FMO3: variants seen among roughly 807,000 people sequenced by gnomAD.
FMO3 encodes flavin containing dimethylaniline monoxygenase 3, also known as flavin-containing monooxygenase 3.
In FMO3, 40 loss-of-function variants were observed where a neutral mutation model predicts 39.4. The observed-to-expected ratio is 1.02, with a 90% confidence interval of 0.79 to 1.32. The LOEUF (loss-of-function observed/expected upper bound fraction) is 1.32. Among genes scored for constraint, FMO3 ranks in the 40% most tolerant of loss-of-function variants. FMO3 has a pLI of 0.00. For synonymous variants in FMO3, 219 were observed against 228.8 expected, an observed-to-expected ratio of 0.96 and a Z score of 0.39; for missense variants, 680 against 651.8, an observed-to-expected ratio of 1.04 and a Z score of -0.47.
At chr1:171,096,188 T>A (rs1655030236) in intron 2 of FMO3, among the ~76,000 whole-genome samples, 1 of 88,352 alleles carries the variant, frequency 1.1e-5, no homozygotes, top group Non-Finnish European at 1.9e-5. Context: ...AATATATTAA[T>A]ATATATTTAT....
chr1:171,096,500 A>G (rs1326315419), intron 2 of FMO3, among the ~76,000 whole-genome samples: 8 of 103,354 alleles, frequency 7.7e-5, no homozygotes, highest in Non-Finnish European at 1.2e-4. Flanking sequence ...TACATAATAT[A>G]CTTTATATAT....
intron 6 of FMO3, among the ~76,000 whole-genome samples, chr1:171,113,520 A>C (rs28363579): frequency 6.6e-6 from 1 of 152,354 alleles, no homozygotes; most frequent in East Asian, 1.9e-4. Flanking sequence ...AGCTCCATGC[A>C]TATGCTAGAG....
At chr1:171,101,296 A>G (rs1655381183) in intron 2 of FMO3, 1 of 442,332 alleles carries the variant, frequency 2.3e-6, no homozygotes, top group Non-Finnish European at 4.6e-6. Flanking sequence ...ATTTTAAGCC[A>G]TTAACTTTGT....
chr1:171,100,221 C>T (rs1655315891), intron 2 of FMO3: 1 of 152,170 alleles, frequency 6.6e-6, no homozygotes, highest in Non-Finnish European at 1.5e-5. Flanking sequence ...TTTGTCTTTT[C>T]TTGCTGCTCG....
chr1:171,096,038 T>C (rs1198628109), intron 2 of FMO3, among the ~76,000 whole-genome samples: 2 of 66,024 alleles, frequency 3.0e-5, no homozygotes, highest in African/African-American at 1.6e-4. Flanking sequence ...ATATAATATA[T>C]ATTATATATA....
chr1:171,103,743 T>A (rs747200261), intron 2 of FMO3, 42 bp from the exon 3 acceptor site: 2 of 1,488,164 alleles, frequency 1.3e-6, no homozygotes, highest in East Asian at 2.3e-5. Context: ...ATCAGTATAC[T>A]CATTTACCAA....
intron 5 of FMO3, 150 bp downstream of exon 5, chr1:171,108,371 A>G (rs1655748308): frequency 1.1e-6 from 1 of 899,292 alleles, no homozygotes; most frequent in East Asian, 2.6e-5. Context: ...TCCCCAAGTA[A>G]CAGGTGAGGT....
At chr1:171,092,849 A>G (rs2064074) in intron 2 of FMO3, 59 bp downstream of exon 2, 746,230 of 1,572,960 alleles carry the variant, frequency 0.47, 178,000 homozygotes, top group Admixed American at 0.56. Context: ...ATAAGAGCAC[A>G]CTGTGTGCAC....
chr1:171,101,090 A>T (rs144873565), intron 2 of FMO3: 7 of 456,148 alleles, frequency 1.5e-5, no homozygotes, highest in African/African-American at 1.4e-4. Flanking sequence ...AGGAGCCATG[A>T]GTGAAGGCGT....
At chr1:171,100,959 A>G (rs1655353583) in intron 2 of FMO3, 1 of 352,918 alleles carries the variant, frequency 2.8e-6, no homozygotes, top group South Asian at 2.2e-5. Context: ...TAATGAATGC[A>G]TCGTTAAAAG....
intron 4 of FMO3, 102 bp downstream of exon 4, chr1:171,107,939 T>A: frequency 7.2e-7 from 1 of 1,384,930 alleles, no homozygotes; most frequent in East Asian, 2.3e-5. Flanking sequence ...AATTAAAATA[T>A]ACTTCTGTTA....
chr1:171,113,929 C>A, intron 6 of FMO3, 78 bp from the exon 7 acceptor site: 2 of 1,059,296 alleles, frequency 1.9e-6, no homozygotes, highest in Non-Finnish European at 2.7e-6. Context: ...TTTTTCCTTC[C>A]TTATCAATTT....
intron 6 of FMO3, among the ~76,000 whole-genome samples, chr1:171,112,363 G>A (rs1655949556): frequency 6.6e-6 from 1 of 152,154 alleles, no homozygotes; most frequent in Non-Finnish European, 1.5e-5. Context: ...TAAGGGTAGG[G>A]CAAGGAAGGA....
At chr1:171,101,032 A>G in intron 2 of FMO3, 1 of 446,682 alleles carries the variant, frequency 2.2e-6, no homozygotes, top group Non-Finnish European at 4.5e-6. Context: ...ACCTCAACAG[A>G]AAGAGAGAAA....
intron 5 of FMO3, among the ~76,000 whole-genome samples, chr1:171,109,789 A>C (rs1655822693): frequency 6.6e-6 from 1 of 151,848 alleles, no homozygotes; most frequent in Admixed American, 6.6e-5. Context: ...TGATCTGCCC[A>C]CCTAGGCCTC....
chr1:171,099,759 C>CTTTTTTTTTTTTTTTTTTTTTTTTTT (rs747274398), intron 2 of FMO3: 51 of 117,572 alleles, frequency 4.3e-4, no homozygotes, highest in Middle Eastern at 5.2e-3. Flanking sequence ...CCATGTCTTT[C>CTTTTTTTTTTTTTTTTTTTTTTTTTT]TTTTTTTTTT....
chr1:171,106,925 G>T (rs1468610068), intron 3 of FMO3, among the ~76,000 whole-genome samples: 1 of 152,102 alleles, frequency 6.6e-6, no homozygotes, highest in Non-Finnish European at 1.5e-5. Flanking sequence ...TAGGTCTTAT[G>T]AGTCCATAAG....
At chr1:171,104,631 T>C (rs1655557933) in intron 3 of FMO3, among the ~76,000 whole-genome samples, 1 of 152,072 alleles carries the variant, frequency 6.6e-6, no homozygotes, top group South Asian at 2.1e-4. Flanking sequence ...CCCAACACTT[T>C]GGGAGGACAA....
At chr1:171,102,661 G>C (rs28363532) in intron 2 of FMO3, among the ~76,000 whole-genome samples, 34 of 152,260 alleles carry the variant, frequency 2.2e-4, no homozygotes, top group African/African-American at 7.9e-4. Context: ...CTCTGAGAGT[G>C]GGACCTAATG....
Sources: allele counts gnomAD v4.1 joint callset (sites outside exome capture counted in the v4.1 genomes callset), GRCh38; gene constraint gnomAD v4.1.1; transcripts MANE v1.5; gene names NCBI Gene and HGNC (gene_info 2026-07-23, HGNC 2026-07-21).